Variants in NDUFA5 observed in about 807,000 individuals in gnomAD.
The protein encoded by NDUFA5 is NADH dehydrogenase [ubiquinone] 1 alpha subcomplex subunit 5.
A neutral mutation model predicts 19.8 loss-of-function variants in NDUFA5; 11 were observed. The ratio of observed to expected loss-of-function variants is 0.56; its 90% CI spans 0.35 to 0.92. NDUFA5 has a LOEUF of 0.92. Ranked by LOEUF, NDUFA5 falls within the 40% of genes least tolerant of loss-of-function variation. The pLI is 0.01. For synonymous variants in NDUFA5, 47 were observed against 46.8 expected (o/e 1.00, Z -0.01); for missense variants, 109 against 134.2 (o/e 0.81, Z 0.93).
At chr7:123,542,907 T>G (rs1426214898) in intron 4 of NDUFA5, among the ~76,000 whole-genome samples, 1 of 152,214 alleles carries the variant, frequency 6.6e-6, no homozygotes, top group African/African-American at 2.4e-5. Context: ...TATTTCATAT[T>G]TTTTCTACAA....
chr7:123,600,220 C>T, the NDUFA5 span, among the ~76,000 whole-genome samples: 2,555 of 152,200 alleles, frequency 0.017, 77 homozygotes, highest in African/African-American at 0.058. Context: ...TAAAGCAAGA[C>T]GTGTTCACAG....
the NDUFA5 span, among the ~76,000 whole-genome samples, chr7:123,567,891 T>A: frequency 2.9e-4 from 44 of 152,306 alleles, 1 homozygote; most frequent in African/African-American, 1.1e-3. Context: ...ATCACTTGGA[T>A]GTTATCCATC....
chr7:123,582,507 C>T, the NDUFA5 span, among the ~76,000 whole-genome samples: 1 of 151,972 alleles, frequency 6.6e-6, no homozygotes, highest in Non-Finnish European at 1.5e-5. Context: ...CTAACTCTTA[C>T]CTAAAGCTCC....
the NDUFA5 span, among the ~76,000 whole-genome samples, chr7:123,565,629 C>T: frequency 1.3e-5 from 2 of 152,162 alleles, no homozygotes; most frequent in Non-Finnish European, 2.9e-5. Context: ...GCCTGTAATC[C>T]CAGCACTTTG....
At chr7:123,567,498 A>G in the NDUFA5 span, among the ~76,000 whole-genome samples, 1 of 152,234 alleles carries the variant, frequency 6.6e-6, no homozygotes, top group Non-Finnish European at 1.5e-5. Context: ...TGGAAGAGTT[A>G]GGACTTCCTA....
At chr7:123,557,016 A>G (rs1386690623) in intron 2 of NDUFA5, 3 of 478,432 alleles carry the variant, frequency 6.3e-6, no homozygotes, top group African/African-American at 5.9e-5. Context: ...GACCTAACAG[A>G]AGGAAAAGGG....
Position 123,545,805 on chromosome 7 carries a change from TA to T in NDUFA5, c.184-130del, listed in dbSNP as rs1439092389. 10 of 606,930 alleles carry T rather than the reference TA, an allele frequency of 1.6e-5. No individual in the cohort carries two copies. In the East Asian group the frequency reaches 3.0e-4, roughly 18 times the overall value. 37.6% of individuals were successfully genotyped at this position (606,930 alleles called of 1,614,324 possible). A position where few individuals can be genotyped will look rare whatever the true frequency, so the allele number is the denominator to read the frequency against. On this transcript the variant is annotated intron_variant, in intron 3 of 4. Coordinates refer to ENST00000355749, the MANE Select transcript of NDUFA5 (RefSeq NM_005000.5). The stretch of plus-strand genomic sequence containing the variant: ...TTTTCTTTCATCATACTCTTTTTAC[TA>T]AATATTTGGTGAAAATTCATTTCAC...
the NDUFA5 span, among the ~76,000 whole-genome samples, chr7:123,563,614 T>C: frequency 6.6e-6 from 1 of 152,180 alleles, no homozygotes; most frequent in Non-Finnish European, 1.5e-5. Context: ...GTACATGCTG[T>C]TGGAAAAAAT....
At position 123,553,899 on chromosome 7, in the gene NDUFA5, A is replaced by G. The variant is rs980113440; in HGVS notation, c.67-3313T>C. ...TTCAGCTGAGACCAGAGAAGCATTCATATTTCAAAAAGGTGGCATCTAAGA... is the reference window on the plus strand; with the variant it reads ...TTCAGCTGAGACCAGAGAAGCATTCGTATTTCAAAAAGGTGGCATCTAAGA... On this transcript the variant is annotated intron_variant, in intron 2 of 4. Transcript: ENST00000355749. Among the ~76,000 whole-genome samples, 8 of 152,358 alleles carry G rather than the reference A, an allele frequency of 5.3e-5. No individual in the cohort carries two copies. In the South Asian group the frequency reaches 1.2e-3, roughly 24 times the overall value.
At chr7:123,556,189 G>A (rs189452708) in intron 2 of NDUFA5, 1 of 152,218 alleles carries the variant, frequency 6.6e-6, no homozygotes, top group African/African-American at 2.4e-5. Context: ...CATTAATTGA[G>A]ATGAGCAAGA....
the NDUFA5 span, among the ~76,000 whole-genome samples, chr7:123,572,382 G>A: frequency 1.6e-4 from 24 of 151,192 alleles, no homozygotes; most frequent in African/African-American, 5.3e-4. Flanking sequence ...CTCATGATCC[G>A]CCCGCCTCAG....
At chr7:123,581,231 G>C in the NDUFA5 span, among the ~76,000 whole-genome samples, 1 of 151,644 alleles carries the variant, frequency 6.6e-6, no homozygotes, top group Admixed American at 6.6e-5. Flanking sequence ...ATAGTAGAAG[G>C]GTATGGGAGA....
the NDUFA5 span, among the ~76,000 whole-genome samples, chr7:123,575,913 A>T: frequency 1.3e-5 from 2 of 150,444 alleles, no homozygotes; most frequent in Non-Finnish European, 3.0e-5. Flanking sequence ...GTGTCCTGTA[A>T]GTATTTAGAT....
chr7:123,547,843 G>A (rs1313927622), intron 3 of NDUFA5, among the ~76,000 whole-genome samples: 1 of 152,040 alleles, frequency 6.6e-6, no homozygotes, highest in African/African-American at 2.4e-5. Flanking sequence ...ACTTGATAAG[G>A]TACCATGTAC....
rs1007990579 is a variant in NDUFA5 at position 123,538,459 on chromosome 7, CTA to C, written c.*3658_*3659del. 28 of 152,352 alleles carry C rather than the reference CTA, an allele frequency of 1.8e-4. No homozygotes were observed. Among genetic ancestry groups the C allele is most frequent in the African/African-American group, 6.5e-4 (27 of 41,582 alleles). 9.4% of individuals were successfully genotyped at this position (152,352 alleles called of 1,614,324 possible). A position where few individuals can be genotyped will look rare whatever the true frequency, so the allele number is the denominator to read the frequency against. ...GTCTAAAATAAAACGTCGACCTCCTCTAAACACAACTGGTAGCCTCTCATTTA... is the reference window on the plus strand; with the variant it reads ...GTCTAAAATAAAACGTCGACCTCCTCAACACAACTGGTAGCCTCTCATTTA... On this transcript the variant is annotated 3_prime_UTR_variant, in exon 5 of 5. Coordinates refer to ENST00000355749, the MANE Select transcript of NDUFA5 (RefSeq NM_005000.5).
the NDUFA5 span, among the ~76,000 whole-genome samples, chr7:123,565,753 C>T: frequency 1.3e-5 from 2 of 152,116 alleles, no homozygotes; most frequent in African/African-American, 4.8e-5. Flanking sequence ...CAGTGGCTCA[C>T]GCCTTGTAAT....
At chr7:123,543,830 TACCACAGCCAACCTG>T (rs1168757526) in intron 4 of NDUFA5, among the ~76,000 whole-genome samples, 1 of 152,126 alleles carries the variant, frequency 6.6e-6, no homozygotes, top group East Asian at 1.9e-4. Flanking sequence ...CTGTATCTAG[TACCACAGCCAACCTG>T]ACGAATATAA....
chr7:123,601,174 C>A, the NDUFA5 span, among the ~76,000 whole-genome samples: 1 of 152,108 alleles, frequency 6.6e-6, no homozygotes, highest in South Asian at 2.1e-4. Context: ...ATTGGAAAAT[C>A]AGTAAGACAA....
the NDUFA5 span, among the ~76,000 whole-genome samples, chr7:123,569,076 C>T: frequency 6.6e-6 from 1 of 152,036 alleles, no homozygotes; most frequent in South Asian, 2.1e-4. Flanking sequence ...TTTATTAAGC[C>T]AAAGTCTATT....
Sources: allele counts gnomAD v4.1 joint callset (sites outside exome capture counted in the v4.1 genomes callset), GRCh38; gene constraint gnomAD v4.1.1; transcripts MANE v1.5; gene names NCBI Gene and HGNC (gene_info 2026-07-23, HGNC 2026-07-21).